Variants in TBL1XR1 observed in about 807,000 individuals in gnomAD.
TBL1XR1 encodes the protein TBL1X/Y related 1, also known as F-box-like/WD repeat-containing protein TBL1XR1.
In TBL1XR1, 5 loss-of-function variants were observed where a neutral mutation model predicts 66.9. The observed-to-expected ratio is 0.07, with a 90% CI of 0.04 to 0.16. The LOEUF is 0.16. Among genes scored for constraint, TBL1XR1 ranks in the 10% least tolerant of loss-of-function variants. TBL1XR1 has a pLI of 1.00. For synonymous variants in TBL1XR1, 210 were observed against 206.0 expected (o/e 1.02, Z -0.17); for missense variants, 238 against 623.2 (o/e 0.38, Z 6.58).
intron 3 of TBL1XR1, among the ~76,000 whole-genome samples, chr3:177,061,034 A>C (rs898553344): frequency 3.3e-5 from 5 of 152,262 alleles, no homozygotes; most frequent in Non-Finnish European, 7.3e-5. Context: ...TGAGGACCAA[A>C]GTAATTTGCG....
At chr3:177,107,711 G>GA (rs1248254186) in intron 1 of TBL1XR1, among the ~76,000 whole-genome samples, 3 of 152,086 alleles carry the variant, frequency 2.0e-5, no homozygotes, top group African/African-American at 7.2e-5. Context: ...ATCATGAAAC[G>GA]AAACTACCTT....
intron 1 of TBL1XR1, among the ~76,000 whole-genome samples, chr3:177,140,215 C>T (rs1364150201): frequency 2.6e-5 from 4 of 152,280 alleles, no homozygotes; most frequent in South Asian, 4.1e-4. Flanking sequence ...GCAGAAGAAT[C>T]GCTTGAACCC....
chr3:177,197,552 C>T (rs918162129), upstream of TBL1XR1, among the ~76,000 whole-genome samples: 6 of 145,404 alleles, frequency 4.1e-5, no homozygotes, highest in Non-Finnish European at 6.1e-5. Context: ...CACAAATGAG[C>T]TCGCGAGGCC....
At chr3:177,083,767 T>G (rs1243698081) in intron 2 of TBL1XR1, among the ~76,000 whole-genome samples, 1 of 151,870 alleles carries the variant, frequency 6.6e-6, no homozygotes, top group African/African-American at 2.4e-5. Context: ...AAGTAATGGT[T>G]TTTTTTTGTT....
At chr3:177,181,716 AG>A (rs1173991585) in intron 1 of TBL1XR1, among the ~76,000 whole-genome samples, 1 of 152,078 alleles carries the variant, frequency 6.6e-6, no homozygotes, top group African/African-American at 2.4e-5. Flanking sequence ...GTCAAAGAGA[AG>A]GGCAGCAGTA....
intron 7 of TBL1XR1, among the ~76,000 whole-genome samples, chr3:177,049,063 T>C (rs914041911): frequency 6.6e-6 from 1 of 152,224 alleles, no homozygotes; most frequent in Non-Finnish European, 1.5e-5. Flanking sequence ...AGAGTAAATA[T>C]GCTGCTGGCA....
chr3:177,082,300 T>A (rs1197631253), intron 2 of TBL1XR1, among the ~76,000 whole-genome samples: 1 of 152,040 alleles, frequency 6.6e-6, no homozygotes, highest in Non-Finnish European at 1.5e-5. Flanking sequence ...TAGAAAAATA[T>A]CAAACCCTTA....
chr3:177,044,099 C>T (rs936487500), intron 10 of TBL1XR1, among the ~76,000 whole-genome samples: 12 of 152,114 alleles, frequency 7.9e-5, no homozygotes, highest in African/African-American at 2.7e-4. Context: ...ATGCTGCCTC[C>T]AAGGTCATAA....
chr3:177,040,055 G>T (rs931050219), intron 10 of TBL1XR1, among the ~76,000 whole-genome samples: 2 of 152,170 alleles, frequency 1.3e-5, no homozygotes, highest in African/African-American at 2.4e-5. Flanking sequence ...GAGCTGTGTG[G>T]CCAGGTGTGA....
chr3:177,199,227 G>T (rs1737286341), upstream of TBL1XR1, among the ~76,000 whole-genome samples: 1 of 152,140 alleles, frequency 6.6e-6, no homozygotes, highest in Non-Finnish European at 1.5e-5. Context: ...GATAACTGCA[G>T]GTTTCCAAAA....
At chr3:177,118,247 T>G (rs1434916553) in intron 1 of TBL1XR1, among the ~76,000 whole-genome samples, 1 of 152,154 alleles carries the variant, frequency 6.6e-6, no homozygotes, top group Non-Finnish European at 1.5e-5. Flanking sequence ...CTCTAAAGAG[T>G]TCTTGAACAT....
At chr3:177,036,801 A>C (rs911975977) in intron 12 of TBL1XR1, among the ~76,000 whole-genome samples, 2 of 152,230 alleles carry the variant, frequency 1.3e-5, no homozygotes, top group Non-Finnish European at 2.9e-5. Flanking sequence ...GTAGCAGGAA[A>C]ATCAGTTTTC....
Position 177,185,268 on chromosome 3 carries a change from G to A in TBL1XR1, c.-122+11853C>T, listed in dbSNP as rs75155002. ...AAATACACACATACTCATACACACTGTATTGCATGTGTCCTCCTTTCCAGT... is the reference window on the plus strand; with the variant it reads ...AAATACACACATACTCATACACACTATATTGCATGTGTCCTCCTTTCCAGT... On this transcript the variant is annotated intron_variant, in intron 1 of 15. Transcript: ENST00000457928. 5.8e-3 allele frequency among the ~76,000 whole-genome samples: 886 copies of A among 152,222 alleles called. 15 individuals are homozygous for A. The highest frequency in any genetic ancestry group is 0.02 in the African/African-American group (835 of 41,532).
intron 1 of TBL1XR1, among the ~76,000 whole-genome samples, chr3:177,132,084 TGG>T (rs1728368163): frequency 6.6e-6 from 1 of 152,202 alleles, no homozygotes; most frequent in Non-Finnish European, 1.5e-5. Context: ...CCAAGAGCTA[TGG>T]CCTGTCTGTA....
intron 11 of TBL1XR1, 28 bp from the exon 12 acceptor site, chr3:177,038,200 T>G: frequency 2.5e-6 from 4 of 1,610,054 alleles, no homozygotes; most frequent in Non-Finnish European, 3.4e-6. Context: ...TATTCACATT[T>G]TCATTGTATA....
chr3:177,151,167 A>G (rs940809580), intron 1 of TBL1XR1, among the ~76,000 whole-genome samples: 1 of 152,242 alleles, frequency 6.6e-6, no homozygotes, highest in African/African-American at 2.4e-5. Flanking sequence ...TATAAAAGCA[A>G]AGCTGGGAAG....
intron 2 of TBL1XR1, among the ~76,000 whole-genome samples, chr3:177,088,063 T>C (rs189318599): frequency 6.6e-6 from 1 of 152,316 alleles, no homozygotes; most frequent in Admixed American, 6.5e-5. Context: ...ACAGCTAGTA[T>C]TTTATTCCTG....
chr3:177,196,019 CAA>C (rs1051975421), intron 1 of TBL1XR1, among the ~76,000 whole-genome samples: 2 of 152,094 alleles, frequency 1.3e-5, no homozygotes, highest in Non-Finnish European at 2.9e-5. Context: ...GATAACCTAA[CAA>C]AGAGAGCATT....
At chr3:177,036,995 A>G (rs1325619882) in intron 12 of TBL1XR1, among the ~76,000 whole-genome samples, 1 of 152,160 alleles carries the variant, frequency 6.6e-6, no homozygotes, top group Non-Finnish European at 1.5e-5. Context: ...CAAATGAGGA[A>G]TCTGGTGTGC....
Sources: gnomAD v4.1 joint callset for allele counts (sites outside exome capture counted in the v4.1 genomes callset) on GRCh38, gnomAD v4.1.1 for gene constraint, MANE v1.5 for transcripts, NCBI Gene and HGNC (gene_info 2026-07-23, HGNC 2026-07-21) for gene names.